CIITA: variants seen among roughly 807,000 people sequenced by gnomAD.
The protein encoded by CIITA is class II major histocompatibility complex transactivator.
Under a neutral mutation model 115.1 loss-of-function variants are expected in CIITA, and 72 were observed. The observed-to-expected ratio is 0.63, with a 90% CI of 0.52 to 0.76. The LOEUF (loss-of-function observed/expected upper bound fraction) is 0.76. CIITA is among the 30% of genes least tolerant of loss of function. The pLI, the probability that CIITA is intolerant of heterozygous loss-of-function variation, is 0.00. For missense variants in CIITA, 1,617 were observed against 1,463.8 expected (o/e 1.10, Z -1.71); for synonymous variants, 763 against 635.6 (o/e 1.20, Z -3.02).
At position 10,902,809 on chromosome 16, in the gene CIITA, C is replaced by T. The variant is rs557455283; in HGVS notation, c.772+8C>T. 195 of 1,613,966 alleles carry T rather than the reference C, an allele frequency of 1.2e-4. 1 individual carries two copies. The highest frequency in any genetic ancestry group is 1.1e-3 in the East Asian group (51 of 44,876). ...GTATATTCATCTACCATGGTGAGTG[C>T]GGGGCCTGGCTCCCCGACCACCTCT... On this transcript the variant is annotated splice_region_variant and intron_variant, in intron 8 of 19. Coordinates refer to ENST00000324288, the MANE Select transcript of CIITA (RefSeq NM_000246.4).
At chr16:10,915,023 G>T in intron 13 of CIITA, 1 of 456,102 alleles carries the variant, frequency 2.2e-6, no homozygotes, top group East Asian at 6.9e-5. Flanking sequence ...CAAGATGGGA[G>T]CCCAACTTAC....
At chr16:10,898,095 A>G (rs4781015) in intron 3 of CIITA, among the ~76,000 whole-genome samples, 100,989 of 151,994 alleles carry the variant, frequency 0.66, 35,808 homozygotes, top group Non-Finnish European at 0.79. Flanking sequence ...GCCTTCCCTG[A>G]TTGCCCTATT....
At position 10,923,070 on chromosome 16, in the gene CIITA, C is replaced by T; in HGVS notation, c.3318-158C>T. ...GGAATCTCGGGCCTCCTAGGCTTCTCCTTTTCCCCATGACCCACACCGGTC... is the reference window on the plus strand; with the variant it reads ...GGAATCTCGGGCCTCCTAGGCTTCTTCTTTTCCCCATGACCCACACCGGTC... On this transcript the variant is annotated intron_variant, in intron 18 of 19. Transcript: ENST00000324288. The surrounding 1 kb of genome is among the most constrained non-coding windows in gnomAD (Gnocchi z 5.2). 1.4e-6 allele frequency: 1 copy of T among 701,372 alleles called. No individual in the cohort carries two copies. Among genetic ancestry groups the T allele is most frequent in the South Asian group, 1.6e-5 (1 of 62,646 alleles). The allele number at this position is 701,372 out of a possible 1,614,324, so 43.4% of individuals were successfully genotyped here. A position where few individuals can be genotyped will look rare whatever the true frequency, so the allele number is the denominator to read the frequency against.
At position 10,933,938 on chromosome 16, in the gene CIITA, CT is replaced by C. The variant is rs2040908807; in HGVS notation, c.*10084del. ...GAAGGCATGGCTGGGGTCTGGCTGT[CT>C]CCTGGTGGCCGGAAGGAGACAGACG... On this transcript the variant is annotated 3_prime_UTR_variant, in exon 20 of 20. Coordinates refer to ENST00000324288, the MANE Select transcript of CIITA (RefSeq NM_000246.4). The C allele has an allele frequency of 6.6e-6, 1 of 152,244 alleles. No homozygotes were observed. The highest frequency in any genetic ancestry group is 2.1e-4 in the South Asian group (1 of 4,832). 9.4% of individuals were successfully genotyped at this position (152,244 alleles called of 1,614,324 possible). A position where few individuals can be genotyped will look rare whatever the true frequency, so the allele number is the denominator to read the frequency against.
At chr16:10,919,850 G>C (rs536555179) in intron 16 of CIITA, among the ~76,000 whole-genome samples, 5 of 152,196 alleles carry the variant, frequency 3.3e-5, no homozygotes, top group Non-Finnish European at 4.4e-5. Flanking sequence ...TCTTTGCGTA[G>C]TAGGAATTAG....
At chr16:10,896,372 CA>C (rs947003411) in intron 3 of CIITA, among the ~76,000 whole-genome samples, 15 of 152,004 alleles carry the variant, frequency 9.9e-5, no homozygotes, top group African/African-American at 3.6e-4. Flanking sequence ...TTTTTAACCA[CA>C]AAAAAAGAAA....
Position 10,941,745 on chromosome 16 carries a change from G to C in CIITA, n.871G>C, listed in dbSNP as rs1393812044. The C allele has an allele frequency of 6.2e-7, 1 of 1,611,906 alleles. No individual in the cohort carries two copies. Among genetic ancestry groups the C allele is most frequent in the Non-Finnish European group, 8.5e-7 (1 of 1,178,964 alleles). On this transcript the variant is annotated non_coding_transcript_exon_variant, in exon 2 of 2. Coordinates refer to the CIITA transcript ENST00000573379. This position sits in a 1 kb window ranked among gnomAD's most constrained non-coding sequence, Gnocchi z 6.4. ...ACTCCAAGTACGCATCAAAGACGTC[G>C]AGCTCCGAGTCAGCATCGTAAAGGC...
chr16:10,905,694 G>A (rs1187674852), intron 10 of CIITA, among the ~76,000 whole-genome samples: 1 of 152,044 alleles, frequency 6.6e-6, no homozygotes, highest in African/African-American at 2.4e-5. Flanking sequence ...CCCAGGAGGT[G>A]GAGGTTGCCG....
chr16:10,886,572 G>A (rs767043224), intron 1 of CIITA, among the ~76,000 whole-genome samples: 1 of 152,144 alleles, frequency 6.6e-6, no homozygotes, highest in Non-Finnish European at 1.5e-5. Context: ...CTCCAGAGCG[G>A]CCCCATCCAT....
In CIITA at chr16:10,894,623, A is replaced by G. The variant is rs115822109; in HGVS notation, c.53-659A>G. Among the ~76,000 whole-genome samples, 913 of 152,372 alleles carry G rather than the reference A, an allele frequency of 6.0e-3. 10 individuals carry two copies. Among genetic ancestry groups the G allele is most frequent in the African/African-American group, 0.021 (862 of 41,590 alleles). On this transcript the variant is annotated intron_variant, in intron 1 of 19. Coordinates refer to ENST00000324288, the MANE Select transcript of CIITA (RefSeq NM_000246.4). ...AATGAAATAGTGTTAAAAGTATTTA[A>G]TATGCCCTTCAACAAATGATGAGGA...
At chr16:10,877,104 G>A (rs1033784573), upstream of CIITA, 25 of 615,576 alleles carry the variant, frequency 4.1e-5, no homozygotes, top group African/African-American at 1.8e-4. Flanking sequence ...AAATCTGACC[G>A]CTTGGGGCCA....
chr16:10,866,628 G>C (rs1454591188), intron 1 of CIITA: 1 of 422,600 alleles, frequency 2.4e-6, no homozygotes, highest in Non-Finnish European at 4.7e-6. Context: ...ACAGCTCAAG[G>C]ATTTTCCCTC....
At position 10,942,184 on chromosome 16, in the gene CIITA, G is replaced by A. The variant is rs2041111460; in HGVS notation, n.1310G>A. 1 of 478,482 alleles carries A rather than the reference G, an allele frequency of 2.1e-6. No individual in the cohort carries two copies. Among genetic ancestry groups the A allele is most frequent in the Admixed American group, 4.7e-5 (1 of 21,450 alleles). 29.6% of individuals were successfully genotyped at this position (478,482 alleles called of 1,614,324 possible). On this transcript the variant is annotated non_coding_transcript_exon_variant, in exon 2 of 2. Transcript: ENST00000573379. This position sits in a 1 kb window ranked among gnomAD's most constrained non-coding sequence, Gnocchi z 5.0. Reference sequence around the variant, plus strand: ...CCCCGACCCCCGAAATGCGCCGGGCGGGTCACCGCACCCCGAGATGTGCCC... The same window carrying A: ...CCCCGACCCCCGAAATGCGCCGGGCAGGTCACCGCACCCCGAGATGTGCCC...
At chr16:10,871,487 C>T (rs570429201) in intron 1 of CIITA, among the ~76,000 whole-genome samples, 9 of 152,274 alleles carry the variant, frequency 5.9e-5, no homozygotes, top group East Asian at 1.9e-4. Context: ...GATTTCATTG[C>T]GTGACATTTT....
chr16:10,916,298 C>A, intron 14 of CIITA, 69 bp from the exon 15 acceptor site: 1 of 1,476,036 alleles, frequency 6.8e-7, no homozygotes, highest in East Asian at 2.3e-5. Context: ...AGGAGGCCCT[C>A]ACTGGGATGG....
rs1023772845 is a variant in CIITA, at chr16:10,898,850, A to C, written c.359-75A>C. On this transcript the variant is annotated intron_variant, in intron 4 of 19. Transcript: ENST00000324288. ...GATGGGCAGTCAGACCCCTCTCCCCAAGGTGGGTACAATAGAGACTCACCT... is the reference window on the plus strand; with the variant it reads ...GATGGGCAGTCAGACCCCTCTCCCCCAGGTGGGTACAATAGAGACTCACCT... 5.6e-6 allele frequency: 9 copies of C among 1,600,182 alleles called. No individual in the cohort carries two copies. In the South Asian group the frequency reaches 9.9e-5, roughly 18 times the overall value.
At chr16:10,918,752 A>C (rs1044044694) in intron 16 of CIITA, among the ~76,000 whole-genome samples, 9 of 152,234 alleles carry the variant, frequency 5.9e-5, no homozygotes, top group Admixed American at 5.9e-4. Flanking sequence ...CTAATGGTCT[A>C]TGTAAGCACT....
rs1226608924 is a variant in CIITA, at chr16:10,912,064, G to C, written c.2888+1805G>C. On this transcript the variant is annotated intron_variant, in intron 13 of 19. Coordinates refer to ENST00000324288, the MANE Select transcript of CIITA (RefSeq NM_000246.4). ...AAATGAATGTTTGTTCCTTGGTAGG[G>C]GTCTAGATCATCTAATGATTAGGAA... Among the ~76,000 whole-genome samples the C allele has an allele frequency of 2.0e-5, 3 of 152,154 alleles. No individual in the cohort carries two copies. In the East Asian group the frequency reaches 5.8e-4, roughly 29 times the overall value.
intron 10 of CIITA, among the ~76,000 whole-genome samples, chr16:10,905,863 T>C (rs1243331191): frequency 1.3e-5 from 2 of 149,728 alleles, no homozygotes; most frequent in Non-Finnish European, 3.0e-5. Context: ...AATGAATGAG[T>C]GGTGGGTGAC....
Sources: allele counts gnomAD v4.1 joint callset (sites outside exome capture counted in the v4.1 genomes callset), GRCh38; gene constraint gnomAD v4.1.1; non-coding constraint Gnocchi (gnomAD v3.1); transcripts MANE v1.5; gene names NCBI Gene and HGNC (gene_info 2026-07-23, HGNC 2026-07-21).